Variants in DYRK1A observed in about 807,000 individuals in gnomAD.
The protein encoded by DYRK1A is dual specificity tyrosine-phosphorylation-regulated kinase 1A.
DYRK1A carries 9 observed loss-of-function variants against 79.7 expected under a neutral mutation model. The observed-to-expected ratio is 0.11, with a 90% CI of 0.07 to 0.20. DYRK1A has a LOEUF of 0.20. Among genes scored for constraint, DYRK1A ranks in the 10% least tolerant of loss-of-function variants. DYRK1A has a pLI of 1.00. For synonymous variants in DYRK1A, 349 were observed against 329.7 expected (o/e 1.06, Z -0.63); for missense variants, 622 against 956.0 (o/e 0.65, Z 4.61).
chr21:37,449,863 C>G (rs763014268), intron 2 of DYRK1A, among the ~76,000 whole-genome samples: 18 of 152,126 alleles, frequency 1.2e-4, no homozygotes, highest in Non-Finnish European at 2.9e-5. Context: ...ACAACAGAAA[C>G]CCATTCCTGG....
chr21:37,414,918 T>C (rs1179444569), intron 1 of DYRK1A, among the ~76,000 whole-genome samples: 7 of 152,190 alleles, frequency 4.6e-5, no homozygotes, highest in Non-Finnish European at 1.0e-4. Flanking sequence ...ATATCAGTGG[T>C]AGTTTACATA....
intron 3 of DYRK1A, among the ~76,000 whole-genome samples, chr21:37,474,601 A>T (rs1449283642): frequency 6.6e-6 from 1 of 152,284 alleles, no homozygotes; most frequent in South Asian, 2.1e-4. Context: ...GAGTTAGGTT[A>T]TTTGTACCCT....
At chr21:37,442,716 G>C (rs879282238) in intron 2 of DYRK1A, among the ~76,000 whole-genome samples, 6 of 152,098 alleles carry the variant, frequency 3.9e-5, no homozygotes, top group Non-Finnish European at 8.8e-5. Context: ...TGGGATTATA[G>C]GTGTGAGCCA....
chr21:37,367,318 G>GGCGCCCGGCCTCGCCGACGCCGCCCTCT lies in DYRK1A; in HGVS notation c.-381_-354dup, dbSNP rs2049328157. The GGCGCCCGGCCTCGCCGACGCCGCCCTCT allele has an allele frequency of 6.8e-6, 1 of 146,896 alleles. No individual in the cohort carries two copies. Among genetic ancestry groups the GGCGCCCGGCCTCGCCGACGCCGCCCTCT allele is most frequent in the African/African-American group, 2.5e-5 (1 of 40,148 alleles). The allele number at this position is 146,896 out of a possible 1,614,324, so 9.1% of individuals were successfully genotyped here. On this transcript the variant is annotated 5_prime_UTR_variant, in exon 1 of 12. Coordinates refer to ENST00000647188, the MANE Select transcript of DYRK1A (RefSeq NM_001347721.2). ...AAGCCGCCGGCAGCAGCCGCCGCTCGGCGCCCGGCCTCGCCGACGCCGCCC... is the reference window on the plus strand; with the variant it reads ...AAGCCGCCGGCAGCAGCCGCCGCTCGGCGCCCGGCCTCGCCGACGCCGCCCTCTGCGCCCGGCCTCGCCGACGCCGCCC...
At chr21:37,376,604 C>T (rs1016716104) in intron 1 of DYRK1A, among the ~76,000 whole-genome samples, 18 of 152,090 alleles carry the variant, frequency 1.2e-4, no homozygotes, top group Non-Finnish European at 1.9e-4. Flanking sequence ...TAGCTTGCTT[C>T]GATGGCTTCC....
chr21:37,380,897 T>C (rs1000852018), intron 1 of DYRK1A, among the ~76,000 whole-genome samples: 2 of 152,226 alleles, frequency 1.3e-5, no homozygotes, highest in African/African-American at 4.8e-5. Context: ...TCCTAGTCTT[T>C]GCATATGCTG....
At chr21:37,442,549 A>G (rs2051140370) in intron 2 of DYRK1A, among the ~76,000 whole-genome samples, 1 of 152,004 alleles carries the variant, frequency 6.6e-6, no homozygotes, top group Non-Finnish European at 1.5e-5. Flanking sequence ...TATCATTCAC[A>G]TTGTAGTTTT....
intron 1 of DYRK1A, among the ~76,000 whole-genome samples, chr21:37,379,997 AG>A (rs1202621573): frequency 6.6e-6 from 1 of 152,214 alleles, no homozygotes; most frequent in African/African-American, 2.4e-5. Flanking sequence ...AGTAGGCCTA[AG>A]GACTTAGTCT....
intron 1 of DYRK1A, among the ~76,000 whole-genome samples, chr21:37,391,371 C>T (rs55866829): frequency 6.6e-6 from 1 of 152,224 alleles, no homozygotes; most frequent in Non-Finnish European, 1.5e-5. Flanking sequence ...AAGCCTGCCA[C>T]TACTGTGCCA....
intron 1 of DYRK1A, among the ~76,000 whole-genome samples, chr21:37,408,528 C>T (rs56390513): frequency 0.075 from 11,481 of 152,202 alleles, 645 homozygotes; most frequent in Non-Finnish European, 0.11. Flanking sequence ...GAGTCATTCC[C>T]AAGATTTATC....
At chr21:37,377,287 T>G (rs2049565478) in intron 1 of DYRK1A, among the ~76,000 whole-genome samples, 1 of 152,044 alleles carries the variant, frequency 6.6e-6, no homozygotes, top group Admixed American at 6.6e-5. Flanking sequence ...GCCCGGCTAA[T>G]TTTTCGTATT....
At chr21:37,382,191 T>G (rs1236282664) in intron 1 of DYRK1A, among the ~76,000 whole-genome samples, 1 of 151,728 alleles carries the variant, frequency 6.6e-6, no homozygotes, top group African/African-American at 2.4e-5. Context: ...GTTCCTGCCC[T>G]CATGAAGCTT....
At chr21:37,426,912 TCGG>T (rs1388797370) in intron 2 of DYRK1A, among the ~76,000 whole-genome samples, 1,405 of 84,114 alleles carry the variant, frequency 0.017, 38 homozygotes, top group African/African-American at 0.072. Context: ...AGAGCGAGAC[TCGG>T]TTCTAAAAAA....
At chr21:37,447,552 T>G (rs990211417) in intron 2 of DYRK1A, among the ~76,000 whole-genome samples, 2 of 152,158 alleles carry the variant, frequency 1.3e-5, no homozygotes, top group African/African-American at 2.4e-5. Context: ...GGGAAGAGTT[T>G]TGATTAATTG....
intron 6 of DYRK1A, among the ~76,000 whole-genome samples, chr21:37,489,222 GATAAA>G (rs556338822): frequency 6.6e-6 from 1 of 152,228 alleles, no homozygotes; most frequent in South Asian, 2.1e-4. Context: ...AATACTATAA[GATAAA>G]ATGAAAATCA....
Position 37,518,958 on chromosome 21 carries a change from A to C in DYRK1A, c.*6427A>C, listed in dbSNP as rs1347288334. ...AGTTTGATTACCAAAGTTTACATAG[A>C]GTAATGGATAATTAAAATTTTCAAT... On this transcript the variant is annotated 3_prime_UTR_variant, in exon 12 of 12. Coordinates refer to ENST00000647188, the MANE Select transcript of DYRK1A (RefSeq NM_001347721.2). The C allele has an allele frequency of 1.3e-5, 2 of 152,222 alleles. No homozygotes were observed. Among genetic ancestry groups the C allele is most frequent in the Non-Finnish European group, 2.9e-5 (2 of 68,034 alleles). 9.4% of individuals were successfully genotyped at this position (152,222 alleles called of 1,614,324 possible). A position where few individuals can be genotyped will look rare whatever the true frequency, so the allele number is the denominator to read the frequency against.
intron 1 of DYRK1A, among the ~76,000 whole-genome samples, chr21:37,395,674 C>T (rs978889607): frequency 2.0e-5 from 3 of 152,228 alleles, no homozygotes; most frequent in Middle Eastern, 3.4e-3. Flanking sequence ...TTATCTGTGT[C>T]CCCTCTCCCA....
In DYRK1A at chr21:37,478,310, G is replaced by T; in HGVS notation, c.300+10G>T. On this transcript the variant is annotated intron_variant, in intron 4 of 11. Transcript: ENST00000647188. ...CAAGCATATTAATGAGGTAAGACTT[G>T]ATTTGTTATAATAACATCTATCTTG... 1 of 1,609,696 alleles carries T rather than the reference G, an allele frequency of 6.2e-7. No individual in the cohort carries two copies. Among genetic ancestry groups the T allele is most frequent in the South Asian group, 1.1e-5 (1 of 90,364 alleles).
chr21:37,450,995 T>C (rs569105119), intron 2 of DYRK1A, among the ~76,000 whole-genome samples: 31 of 152,344 alleles, frequency 2.0e-4, no homozygotes, highest in African/African-American at 5.8e-4. Context: ...AGTGATGTCT[T>C]GCGATCCTTA....
Sources: gnomAD v4.1 joint callset for allele counts (sites outside exome capture counted in the v4.1 genomes callset) on GRCh38, gnomAD v4.1.1 for gene constraint, MANE v1.5 for transcripts, NCBI Gene and HGNC (gene_info 2026-07-23, HGNC 2026-07-21) for gene names.